Variants in NIPBL observed in about 807,000 individuals in gnomAD.
The protein encoded by NIPBL is nipped-B-like protein.
Under a neutral mutation model 321.8 loss-of-function variants are expected in NIPBL, and 19 were observed. The ratio of observed to expected loss-of-function variants is 0.06; its 90% confidence interval spans 0.04 to 0.09. The LOEUF (loss-of-function observed/expected upper bound fraction) is 0.09. Among genes scored for constraint, NIPBL ranks in the 10% least tolerant of loss-of-function variants. NIPBL has a pLI of 1.00. For missense variants in NIPBL, 2,210 were observed against 3,327.0 expected (o/e 0.66, Z 8.26); for synonymous variants, 1,106 against 1,114.1 (o/e 0.99, Z 0.14).
intron 27 of NIPBL, among the ~76,000 whole-genome samples, chr5:37,021,719 A>T (rs1749665751): frequency 6.6e-6 from 1 of 152,188 alleles, no homozygotes; most frequent in Admixed American, 6.5e-5. Context: ...TTCAACTACC[A>T]AATTATGATT....
At chr5:36,997,958 G>C (rs909392606) in intron 11 of NIPBL, among the ~76,000 whole-genome samples, 9 of 152,188 alleles carry the variant, frequency 5.9e-5, no homozygotes, top group African/African-American at 2.2e-4. Flanking sequence ...AAATAGTTTT[G>C]TTGAAGGTTA....
In NIPBL at chr5:37,002,687, A is replaced by C. The variant is rs761991838; in HGVS notation, c.3690A>C (p.Glu1230Asp). The C allele has an allele frequency of 1.9e-6, 3 of 1,612,058 alleles. No individual in the cohort carries two copies. In the Admixed American group the frequency reaches 5.0e-5, roughly 27 times the overall value. ...AFGDDDEIPQ[E>D]LLLGKHQLNE... ...GTGATGATGATGAAATTCCTCAGGA[A>C]CTGCTCTTAGGAAAACATCAGCTTA... Residue 1230 changes from glutamate (E) to aspartate (D), a missense_variant, in exon 15 of 47, where the codon GAA (glutamate) becomes GAC (aspartate). By Grantham distance (45) the Glu-to-Asp change is conservative (BLOSUM62 2). Coordinates refer to ENST00000282516, the MANE Select transcript of NIPBL (RefSeq NM_133433.4).
chr5:37,034,995 A>G (rs945145998), intron 32 of NIPBL, among the ~76,000 whole-genome samples: 4 of 152,240 alleles, frequency 2.6e-5, no homozygotes, highest in Non-Finnish European at 4.4e-5. Flanking sequence ...CCGTTAAATA[A>G]AAGACCAAGC....
intron 6 of NIPBL, among the ~76,000 whole-genome samples, chr5:36,964,772 ACTAT>A (rs1032821820): frequency 3.3e-5 from 5 of 152,138 alleles, no homozygotes; most frequent in African/African-American, 1.2e-4. Context: ...ATATTTGCAA[ACTAT>A]CTGTTTGACA....
chr5:36,944,339 A>C (rs1739432277), intron 1 of NIPBL, among the ~76,000 whole-genome samples: 1 of 152,096 alleles, frequency 6.6e-6, no homozygotes, highest in Non-Finnish European at 1.5e-5. Context: ...TTCCACGTAT[A>C]CCTTTTCTTG....
Position 36,985,323 on chromosome 5 carries a change from A to C in NIPBL, c.2143A>C (p.Lys715Gln), listed in dbSNP as rs765931580. The C allele has an allele frequency of 4.3e-6, 7 of 1,613,798 alleles. No individual in the cohort carries two copies. Among genetic ancestry groups the C allele is most frequent in the Non-Finnish European group, 5.9e-6 (7 of 1,179,966 alleles). Residue 715 changes from lysine to glutamine, a missense_variant, in exon 10 of 47, where the codon AAA becomes CAA. Coordinates refer to ENST00000282516, the MANE Select transcript of NIPBL (RefSeq NM_133433.4). Reference sequence around the variant, plus strand: ...GGGTGAAAGCCGGCCTGAGACTCCAAAACAAAAGAGTGATGGGCATCCTGA... The same window carrying C: ...GGGTGAAAGCCGGCCTGAGACTCCACAACAAAAGAGTGATGGGCATCCTGA... ...QKGESRPETP[K>Q]QKSDGHPETP...
intron 1 of NIPBL, among the ~76,000 whole-genome samples, chr5:36,915,746 A>G (rs1748408187): frequency 6.6e-6 from 1 of 152,196 alleles, no homozygotes; most frequent in Admixed American, 6.5e-5. Context: ...TTGGTTTGAC[A>G]TGTAAAAATG....
chr5:36,930,081 AAGTT>A (rs146186092), intron 1 of NIPBL, among the ~76,000 whole-genome samples: 2,075 of 152,080 alleles, frequency 0.014, 52 homozygotes, highest in Admixed American at 0.059. Flanking sequence ...TTTTCCTATA[AAGTT>A]AGGATCAGCT....
chr5:36,885,472 C>T (rs1052379425), intron 1 of NIPBL: 7 of 487,878 alleles, frequency 1.4e-5, no homozygotes, highest in Non-Finnish European at 2.4e-5. Context: ...TGAACAACCA[C>T]CTGGCCTCCT....
Position 37,020,443 on chromosome 5 carries a change from T to G in NIPBL, c.5011-16T>G, listed in dbSNP as rs1749493331. 1.3e-6 allele frequency: 2 copies of G among 1,553,966 alleles called. No homozygotes were observed. The highest frequency in any genetic ancestry group is 3.3e-5 in the Admixed American group (2 of 59,912). ...GCTAATTTCATCAAGCTCAAGTCTG[T>G]CTAATTTCTTTCCAGTTTTCTCGTA... On this transcript the variant is annotated splice_polypyrimidine_tract_variant and intron_variant, in intron 25 of 46. Transcript: ENST00000282516.
At chr5:36,983,709 A>G (rs1386326075) in intron 9 of NIPBL, among the ~76,000 whole-genome samples, 1 of 152,044 alleles carries the variant, frequency 6.6e-6, no homozygotes, top group Non-Finnish European at 1.5e-5. Context: ...AATTTATAGA[A>G]AATGACTAGC....
chr5:36,945,239 G>C (rs946170835), intron 1 of NIPBL, among the ~76,000 whole-genome samples: 2 of 152,050 alleles, frequency 1.3e-5, no homozygotes, highest in African/African-American at 4.8e-5. Flanking sequence ...TTGTAGTTTT[G>C]TGTAGTTTGG....
At chr5:37,030,500 G>A (rs1158143003) in intron 32 of NIPBL, among the ~76,000 whole-genome samples, 1 of 152,178 alleles carries the variant, frequency 6.6e-6, no homozygotes, top group African/African-American at 2.4e-5. Flanking sequence ...AAATTCTTGA[G>A]TCCAGAATAA....
chr5:36,940,349 CAAATT>C (rs978054684), intron 1 of NIPBL, among the ~76,000 whole-genome samples: 1 of 152,104 alleles, frequency 6.6e-6, no homozygotes, highest in Admixed American at 6.5e-5. Flanking sequence ...CAAAATAAAT[CAAATT>C]GAGAGCCCCT....
chr5:37,061,789 A>T (rs1349037054), intron 45 of NIPBL, among the ~76,000 whole-genome samples: 5 of 152,310 alleles, frequency 3.3e-5, no homozygotes, highest in African/African-American at 4.8e-5. Context: ...TGTAAATGCT[A>T]TATACATAGT....
At chr5:37,038,768 C>T (rs761778025) in intron 34 of NIPBL, 30 bp downstream of exon 34, 1 of 1,607,082 alleles carries the variant, frequency 6.2e-7, no homozygotes, top group Non-Finnish European at 8.5e-7. Context: ...ATTCTTGTAT[C>T]TTACATAAAA....
intron 2 of NIPBL, among the ~76,000 whole-genome samples, chr5:36,954,553 G>T (rs1024228892): frequency 2.0e-5 from 3 of 152,126 alleles, no homozygotes; most frequent in African/African-American, 2.4e-5. Flanking sequence ...TCACTTTGTT[G>T]TAGGTAAGGC....
chr5:36,882,716 T>C (rs890532813), intron 1 of NIPBL, among the ~76,000 whole-genome samples: 1 of 152,118 alleles, frequency 6.6e-6, no homozygotes, highest in African/African-American at 2.4e-5. Flanking sequence ...CTCTATTCTT[T>C]ACATTCTACC....
chr5:37,057,087 A>G (rs1363729505), intron 42 of NIPBL, 99 bp from the exon 43 acceptor site: 1 of 1,132,062 alleles, frequency 8.8e-7, no homozygotes, highest in Admixed American at 1.9e-5. Flanking sequence ...TCTAACATTA[A>G]GTGAGGTGAA....
Sources: gnomAD v4.1 joint callset for allele counts (sites outside exome capture counted in the v4.1 genomes callset) on GRCh38, gnomAD v4.1.1 for gene constraint, MANE v1.5 for transcripts, NCBI Gene and HGNC (gene_info 2026-07-23, HGNC 2026-07-21) for gene names.